NEGR1: variants seen among roughly 807,000 people sequenced by gnomAD.
NEGR1 encodes IgLON family member 4.
A neutral mutation model predicts 40.9 loss-of-function variants in NEGR1; 10 were observed. That is an observed-to-expected ratio of 0.24 (90% CI 0.15 to 0.42). The LOEUF (loss-of-function observed/expected upper bound fraction) is 0.42, where lower values mean the gene tolerates loss of function less well. Among genes scored for constraint, NEGR1 ranks in the 10% least tolerant of loss-of-function variants. The pLI, the probability that NEGR1 is intolerant of heterozygous loss-of-function variation, is 1.00. For missense variants in NEGR1, 352 were observed against 438.9 expected, an observed-to-expected ratio of 0.80 and a Z score of 1.77; for synonymous variants, 185 against 166.8, an observed-to-expected ratio of 1.11 and a Z score of -0.84.
At chr1:71,664,523 T>A (rs1423299176) in intron 4 of NEGR1, among the ~76,000 whole-genome samples, 1 of 152,164 alleles carries the variant, frequency 6.6e-6, no homozygotes, top group Non-Finnish European at 1.5e-5. Context: ...TTTACATATC[T>A]TTTTTGTGTG....
At chr1:71,699,556 A>G (rs1653610446) in intron 3 of NEGR1, among the ~76,000 whole-genome samples, 1 of 151,950 alleles carries the variant, frequency 6.6e-6, no homozygotes, top group Non-Finnish European at 1.5e-5. Context: ...TATATATTAA[A>G]AAAACAAAAC....
intron 2 of NEGR1, among the ~76,000 whole-genome samples, chr1:71,809,208 T>G (rs1208918882): frequency 1.3e-5 from 2 of 152,074 alleles, no homozygotes; most frequent in Non-Finnish European, 2.9e-5. Context: ...TGGAAAGTGG[T>G]GCTTCCCTGA....
chr1:72,263,277 C>T (rs1445457075), intron 1 of NEGR1, among the ~76,000 whole-genome samples: 1 of 151,520 alleles, frequency 6.6e-6, no homozygotes, highest in African/African-American at 2.4e-5. Context: ...TCTCAAAAGG[C>T]AATTAACAAG....
chr1:72,056,274 T>C (rs1214262889), intron 1 of NEGR1, among the ~76,000 whole-genome samples: 1 of 151,324 alleles, frequency 6.6e-6, no homozygotes, highest in Non-Finnish European at 1.5e-5. Context: ...GCTTTGTGAA[T>C]AGAGAGACCT....
intron 2 of NEGR1, among the ~76,000 whole-genome samples, chr1:71,858,474 C>T (rs1011013563): frequency 6.6e-6 from 1 of 151,946 alleles, no homozygotes; most frequent in African/African-American, 2.4e-5. Context: ...TACAGTGGAA[C>T]CTTGCTAATT....
At chr1:72,022,692 A>G (rs1479626186) in intron 1 of NEGR1, among the ~76,000 whole-genome samples, 1 of 152,080 alleles carries the variant, frequency 6.6e-6, no homozygotes, top group Non-Finnish European at 1.5e-5. Flanking sequence ...GCTTATTTTA[A>G]AAGTTTACAA....
chr1:72,102,432 T>G (rs186270891), intron 1 of NEGR1, among the ~76,000 whole-genome samples: 1 of 152,120 alleles, frequency 6.6e-6, no homozygotes, highest in Admixed American at 6.6e-5. Flanking sequence ...TACAAGAAAT[T>G]TAGCAACAGG....
At chr1:72,134,354 C>T (rs993581949) in intron 1 of NEGR1, among the ~76,000 whole-genome samples, 11 of 151,496 alleles carry the variant, frequency 7.3e-5, no homozygotes, top group East Asian at 5.9e-4. Context: ...TACAGGCGCC[C>T]GCCACCACGC....
At chr1:71,711,612 A>T (rs1654094950) in intron 3 of NEGR1, among the ~76,000 whole-genome samples, 1 of 152,146 alleles carries the variant, frequency 6.6e-6, no homozygotes, top group Non-Finnish European at 1.5e-5. Context: ...AAAACTGAAC[A>T]TTCATTGACC....
rs1480584076 is a variant in NEGR1, at chr1:72,195,302, C to T, written c.176+87017G>A. On this transcript the variant is annotated intron_variant, in intron 1 of 6. Coordinates refer to ENST00000357731, the MANE Select transcript of NEGR1 (RefSeq NM_173808.3). Reference sequence around the variant, plus strand: ...GTTTCAGGTTTTACCACTCATGACTCTACCAATGCATTCTTAATGGGCCGT... The same window carrying T: ...GTTTCAGGTTTTACCACTCATGACTTTACCAATGCATTCTTAATGGGCCGT... Among the ~76,000 whole-genome samples the T allele has an allele frequency of 3.3e-5, 5 of 152,012 alleles. No homozygotes were observed. In the East Asian group the frequency reaches 9.7e-4, roughly 29 times the overall value.
intron 2 of NEGR1, among the ~76,000 whole-genome samples, chr1:71,924,708 T>C (rs1645755981): frequency 6.6e-6 from 1 of 152,226 alleles, no homozygotes; most frequent in Admixed American, 6.5e-5. Flanking sequence ...ATATTTTTCC[T>C]CAAAATAACA....
At chr1:71,952,095 A>G (rs1249699002) in intron 1 of NEGR1, among the ~76,000 whole-genome samples, 3 of 151,830 alleles carry the variant, frequency 2.0e-5, no homozygotes, top group African/African-American at 7.2e-5. Flanking sequence ...CCCTACAGCG[A>G]TCTCTAAATG....
intron 1 of NEGR1, among the ~76,000 whole-genome samples, chr1:72,229,630 G>A (rs540831538): frequency 4.0e-5 from 6 of 151,266 alleles, no homozygotes; most frequent in South Asian, 4.2e-4. Context: ...CATGCTTATG[G>A]TAATCAATAT....
At chr1:71,919,611 T>C (rs1645682183) in intron 2 of NEGR1, among the ~76,000 whole-genome samples, 2 of 152,088 alleles carry the variant, frequency 1.3e-5, no homozygotes. Context: ...CTCGTTGATT[T>C]TTTGGTTAGT....
chr1:71,620,926 A>C (rs1224851593), intron 4 of NEGR1, among the ~76,000 whole-genome samples: 6 of 151,962 alleles, frequency 3.9e-5, no homozygotes, highest in Non-Finnish European at 8.8e-5. Context: ...TAAAATAGAC[A>C]GTACTTACTT....
intron 1 of NEGR1, among the ~76,000 whole-genome samples, chr1:72,213,932 AT>A (rs1653701624): frequency 2.6e-5 from 4 of 152,200 alleles, no homozygotes; most frequent in Admixed American, 2.6e-4. Context: ...TTTCAGGCCA[AT>A]ATCCCTGATG....
intron 6 of NEGR1, chr1:71,484,824 C>T (rs901402368): frequency 4.6e-5 from 7 of 151,606 alleles, no homozygotes; most frequent in African/African-American, 1.7e-4. Flanking sequence ...TGGGTGATAC[C>T]TGCAAAATCA....
At chr1:71,919,376 A>T (rs1661692965) in intron 2 of NEGR1, among the ~76,000 whole-genome samples, 1 of 152,156 alleles carries the variant, frequency 6.6e-6, no homozygotes, top group Admixed American at 6.6e-5. Context: ...CAATGTAATG[A>T]TTACCTAAAT....
intron 6 of NEGR1, among the ~76,000 whole-genome samples, chr1:71,431,771 A>G (rs986523607): frequency 1.3e-5 from 2 of 152,238 alleles, no homozygotes; most frequent in African/African-American, 4.8e-5. Context: ...ATAAGGGACT[A>G]GAAAGTGAAT....
Sources: gnomAD v4.1 joint callset for allele counts (sites outside exome capture counted in the v4.1 genomes callset) on GRCh38, gnomAD v4.1.1 for gene constraint, MANE v1.5 for transcripts, NCBI Gene and HGNC (gene_info 2026-07-23, HGNC 2026-07-21) for gene names.